CCSER1: variants seen among roughly 807,000 people sequenced by gnomAD.
CCSER1 encodes the protein serine-rich coiled-coil domain-containing protein 1.
In CCSER1, 41 loss-of-function variants were observed where a neutral mutation model predicts 82.0. The ratio of observed to expected loss-of-function variants is 0.50; its 90% CI spans 0.39 to 0.65. The LOEUF (loss-of-function observed/expected upper bound fraction) is 0.65, where lower values mean the gene tolerates loss of function less well. Among genes scored for constraint, CCSER1 ranks in the 30% least tolerant of loss-of-function variants. The pLI is 0.00. For synonymous variants in CCSER1, 414 were observed against 383.9 expected (o/e 1.08, Z -0.92); for missense variants, 1,119 against 1,064.2 (o/e 1.05, Z -0.72).
At chr4:90,171,297 T>TA (rs1731627130) in intron 1 of CCSER1, among the ~76,000 whole-genome samples, 1 of 151,828 alleles carries the variant, frequency 6.6e-6, no homozygotes, top group Non-Finnish European at 1.5e-5. Context: ...TTTGTCAAAC[T>TA]AAAATCTTAA....
chr4:90,575,696 A>ATT (rs113780858), intron 5 of CCSER1, among the ~76,000 whole-genome samples: 1 of 150,956 alleles, frequency 6.6e-6, no homozygotes, highest in African/African-American at 2.4e-5. Flanking sequence ...CTTTCCTCAA[A>ATT]TTTTTTTTTC....
chr4:90,226,189 A>G (rs932011669), intron 1 of CCSER1, among the ~76,000 whole-genome samples: 2 of 152,226 alleles, frequency 1.3e-5, no homozygotes, highest in African/African-American at 4.8e-5. Context: ...TTCTGCATGA[A>G]TGGCCTATGT....
chr4:90,950,425 C>A (rs576606921), intron 9 of CCSER1, among the ~76,000 whole-genome samples: 1 of 152,050 alleles, frequency 6.6e-6, no homozygotes, highest in South Asian at 2.1e-4. Context: ...AAACAAAGAA[C>A]AAAACTGAAT....
chr4:91,411,525 T>TATATATAA (rs1206328984), intron 10 of CCSER1, among the ~76,000 whole-genome samples: 2 of 129,562 alleles, frequency 1.5e-5, no homozygotes, highest in East Asian at 2.5e-4. Flanking sequence ...TATATATATA[T>TATATATAA]AAAATCTTGA....
intron 10 of CCSER1, among the ~76,000 whole-genome samples, chr4:91,437,984 G>C (rs1231464489): frequency 3.9e-5 from 6 of 152,266 alleles, no homozygotes; most frequent in Non-Finnish European, 5.9e-5. Context: ...CAGGAAGCTC[G>C]AACTGGGTGG....
intron 10 of CCSER1, among the ~76,000 whole-genome samples, chr4:91,327,675 C>A (rs576668323): frequency 6.6e-6 from 1 of 152,312 alleles, no homozygotes; most frequent in African/African-American, 2.4e-5. Flanking sequence ...TATCACATGG[C>A]CAGGCTGCAA....
intron 10 of CCSER1, among the ~76,000 whole-genome samples, chr4:91,272,006 CATTG>C (rs1327019510): frequency 2.6e-5 from 4 of 152,182 alleles, no homozygotes; most frequent in Non-Finnish European, 5.9e-5. Flanking sequence ...TTTATCTACA[CATTG>C]ATTGACTGGC....
intron 10 of CCSER1, among the ~76,000 whole-genome samples, chr4:91,452,145 T>C (rs1041103464): frequency 3.3e-5 from 5 of 151,968 alleles, no homozygotes; most frequent in Non-Finnish European, 7.4e-5. Context: ...TCAGAAATGA[T>C]AATCCATAGT....
intron 10 of CCSER1, among the ~76,000 whole-genome samples, chr4:91,521,408 C>A (rs1395319725): frequency 6.6e-6 from 1 of 152,148 alleles, no homozygotes; most frequent in African/African-American, 2.4e-5. Flanking sequence ...AATGGGATCA[C>A]TGGGTCAAAT....
At chr4:91,135,695 GAGAC>G (rs1459778565) in intron 10 of CCSER1, among the ~76,000 whole-genome samples, 1 of 150,932 alleles carries the variant, frequency 6.6e-6, no homozygotes, top group African/African-American at 2.4e-5. Flanking sequence ...AAAAAGCAGA[GAGAC>G]AGAAGAAGAA....
At chr4:91,358,759 G>A (rs1019960169) in intron 10 of CCSER1, among the ~76,000 whole-genome samples, 4 of 152,066 alleles carry the variant, frequency 2.6e-5, no homozygotes, top group African/African-American at 7.2e-5. Context: ...AATCCTCCTC[G>A]GGGGCCTGCT....
intron 10 of CCSER1, among the ~76,000 whole-genome samples, chr4:91,546,720 T>A (rs1004008455): frequency 6.6e-6 from 1 of 152,050 alleles, no homozygotes; most frequent in Non-Finnish European, 1.5e-5. Flanking sequence ...TTTCCTGTTT[T>A]AAATTTCATT....
At chr4:90,661,097 C>G (rs1478971094) in intron 6 of CCSER1, among the ~76,000 whole-genome samples, 1 of 152,170 alleles carries the variant, frequency 6.6e-6, no homozygotes, top group Non-Finnish European at 1.5e-5. Context: ...TACTGCATCT[C>G]TGAAATTCAT....
intron 10 of CCSER1, among the ~76,000 whole-genome samples, chr4:91,218,119 G>T (rs1737425664): frequency 6.6e-6 from 1 of 152,364 alleles, no homozygotes; most frequent in Middle Eastern, 3.4e-3. Flanking sequence ...TGCCCCGTGG[G>T]AAGGCAGCTA....
At chr4:91,456,943 C>T (rs541888073) in intron 10 of CCSER1, among the ~76,000 whole-genome samples, 359 of 151,954 alleles carry the variant, frequency 2.4e-3, no homozygotes, top group African/African-American at 7.8e-3. Context: ...GTAATTCTTT[C>T]GTGTCATATA....
At chr4:90,195,304 G>A (rs1332524236) in intron 1 of CCSER1, among the ~76,000 whole-genome samples, 1 of 151,998 alleles carries the variant, frequency 6.6e-6, no homozygotes, top group Non-Finnish European at 1.5e-5. Flanking sequence ...AAGACGTGGT[G>A]GGTGGAGTAA....
At chr4:91,092,210 G>T (rs1162091893) in intron 10 of CCSER1, among the ~76,000 whole-genome samples, 2 of 152,136 alleles carry the variant, frequency 1.3e-5, no homozygotes, top group African/African-American at 4.8e-5. Context: ...GCTTCCAAGT[G>T]AGTCCCAATA....
intron 1 of CCSER1, among the ~76,000 whole-genome samples, chr4:90,224,235 T>C (rs1742703663): frequency 6.6e-6 from 1 of 152,190 alleles, no homozygotes; most frequent in Middle Eastern, 3.2e-3. Flanking sequence ...ACTCCTGAGG[T>C]TGACATATGA....
intron 10 of CCSER1, among the ~76,000 whole-genome samples, chr4:91,309,077 T>C (rs1410231374): frequency 1.3e-5 from 2 of 151,980 alleles, no homozygotes; most frequent in East Asian, 3.9e-4. Context: ...TGCATATTAT[T>C]CTAAAGTATT....
Sources: gnomAD v4.1 joint callset for allele counts (sites outside exome capture counted in the v4.1 genomes callset) on GRCh38, gnomAD v4.1.1 for gene constraint, MANE v1.5 for transcripts, NCBI Gene and HGNC (gene_info 2026-07-23, HGNC 2026-07-21) for gene names.